Variants in FBLN1 observed in about 807,000 individuals in gnomAD.
The protein encoded by FBLN1 is fibulin 1.
Under a neutral mutation model 89.7 loss-of-function variants are expected in FBLN1, and 34 were observed. The observed-to-expected ratio is 0.38, with a 90% CI of 0.29 to 0.50. The LOEUF (loss-of-function observed/expected upper bound fraction) is 0.50. Ranked by LOEUF, FBLN1 falls within the 20% of genes least tolerant of loss-of-function variation. The probability of loss-of-function intolerance (pLI) is 0.92; values close to 1 mark genes in which losing one functional copy is unlikely to be tolerated. For synonymous variants in FBLN1, 393 were observed against 391.3 expected (o/e 1.00, Z -0.05); for missense variants, 777 against 988.1 (o/e 0.79, Z 2.86).
intron 16 of FBLN1, among the ~76,000 whole-genome samples, chr22:45,599,551 G>C: frequency 6.6e-6 from 1 of 152,102 alleles, no homozygotes; most frequent in East Asian, 1.9e-4. Context: ...TGGGCACAGG[G>C]GGTTGGAAGG....
Position 45,572,766 on chromosome 22 carries a change from C to T in FBLN1, c.1698-1745C>T, listed in dbSNP as rs116874743. Reference sequence around the variant, plus strand: ...CCACCTACCATCTTGCCAAAGGGACCGGGCCTGCATGGGATCAGGCCTCTG... The same window carrying T: ...CCACCTACCATCTTGCCAAAGGGACTGGGCCTGCATGGGATCAGGCCTCTG... On this transcript the variant is annotated intron_variant, in intron 14 of 16. Coordinates refer to ENST00000327858, the MANE Select transcript of FBLN1 (RefSeq NM_006486.3). The surrounding 1 kb of genome is among the most constrained non-coding windows in gnomAD (Gnocchi z 5.8). 9.8e-5 allele frequency among the ~76,000 whole-genome samples: 15 copies of T among 152,310 alleles called. No individual in the cohort carries two copies. In the East Asian group the frequency reaches 1.7e-3, roughly 18 times the overall value.
At chr22:45,524,236 C>T (rs1230380653) in intron 2 of FBLN1, among the ~76,000 whole-genome samples, 1 of 152,196 alleles carries the variant, frequency 6.6e-6, no homozygotes, top group Non-Finnish European at 1.5e-5. Flanking sequence ...GGGGAGGCCC[C>T]CACCCTCTCT....
In FBLN1 at chr22:45,600,635, G is replaced by GC. The variant is rs1458412864; in HGVS notation, c.*192dup. On this transcript the variant is annotated 3_prime_UTR_variant, in exon 17 of 17. Coordinates refer to ENST00000327858, the MANE Select transcript of FBLN1 (RefSeq NM_006486.3). ...TGTATTTTCGGTGTTTAAAAAATGA[G>GC]CCCAGTTGCTCAACTGTTTGGTTGA... 7 of 700,420 alleles carry GC rather than the reference G, an allele frequency of 1.0e-5. No homozygotes were observed. The highest frequency in any genetic ancestry group is 8.8e-5 in the African/African-American group (5 of 56,602). 43.4% of individuals were successfully genotyped at this position (700,420 alleles called of 1,614,324 possible). A position where few individuals can be genotyped will look rare whatever the true frequency, so the allele number is the denominator to read the frequency against.
intron 11 of FBLN1, 133 bp from the exon 12 acceptor site, chr22:45,546,952 G>A (rs1569249744): frequency 1.2e-5 from 17 of 1,419,694 alleles, no homozygotes; most frequent in Middle Eastern, 1.9e-4. Flanking sequence ...CACACCCCCC[G>A]GGACCTCTGT....
intron 4 of FBLN1, among the ~76,000 whole-genome samples, chr22:45,528,597 A>G (rs58312704): frequency 0.19 from 29,102 of 152,000 alleles, 3,194 homozygotes; most frequent in Admixed American, 0.32. Context: ...CACCTGCCTC[A>G]GCTTCCCAAA....
intron 7 of FBLN1, among the ~76,000 whole-genome samples, chr22:45,534,731 A>G (rs2088462245): frequency 6.6e-6 from 1 of 152,222 alleles, no homozygotes; most frequent in African/African-American, 2.4e-5. Flanking sequence ...ACATTTGACC[A>G]TTTGACAGCC....
chr22:45,538,571 A>ATATTT (rs1276449643), intron 8 of FBLN1, among the ~76,000 whole-genome samples: 1 of 152,184 alleles, frequency 6.6e-6, no homozygotes, highest in African/African-American at 2.4e-5. Flanking sequence ...TTTAAAAATG[A>ATATTT]CTGCATCAGC....
rs143914756 is a variant in FBLN1, at chr22:45,549,334, C to A, written c.1573+590C>A. 7.9e-5 allele frequency among the ~76,000 whole-genome samples: 12 copies of A among 152,314 alleles called. No homozygotes were observed. The East Asian group carries it at 2.1e-3, about 27-fold the overall frequency. ...CGCGTGATCCTCAGTGTACACACTG[C>A]GCCCAGAAGCTGAGTCATGGAGGTG... On this transcript the variant is annotated intron_variant, in intron 13 of 16. Transcript: ENST00000327858. The surrounding 1 kb of genome is among the most constrained non-coding windows in gnomAD (Gnocchi z 5.7).
intron 1 of FBLN1, among the ~76,000 whole-genome samples, chr22:45,515,924 A>G (rs1438953897): frequency 2.0e-5 from 3 of 152,056 alleles, no homozygotes; most frequent in Non-Finnish European, 2.9e-5. Flanking sequence ...CACTGTTTCT[A>G]CTCAACTCTG....
At chr22:45,516,388 G>T (rs577178127) in intron 1 of FBLN1, among the ~76,000 whole-genome samples, 2 of 152,350 alleles carry the variant, frequency 1.3e-5, no homozygotes, top group African/African-American at 4.8e-5. Context: ...GTTCATCCAG[G>T]AGTGCACCAC....
At chr22:45,544,190 G>A (rs539239437) in intron 11 of FBLN1, among the ~76,000 whole-genome samples, 10 of 152,136 alleles carry the variant, frequency 6.6e-5, no homozygotes, top group East Asian at 5.8e-4. Flanking sequence ...GGGTTCAAGC[G>A]ATTCCCCTGC....
intron 1 of FBLN1, among the ~76,000 whole-genome samples, chr22:45,510,785 A>C (rs970524239): frequency 1.0e-5 from 1 of 97,814 alleles, no homozygotes; most frequent in Non-Finnish European, 2.3e-5. Flanking sequence ...GCCTTGGAAC[A>C]TGGGGCATGC....
intron 2 of FBLN1, among the ~76,000 whole-genome samples, chr22:45,519,450 G>A (rs939467839): frequency 1.1e-4 from 17 of 151,492 alleles, no homozygotes; most frequent in East Asian, 2.0e-4. Flanking sequence ...GTGAAACCCC[G>A]TCTCTACTAA....
At chr22:45,520,309 T>C (rs2088232613) in intron 2 of FBLN1, among the ~76,000 whole-genome samples, 1 of 152,254 alleles carries the variant, frequency 6.6e-6, no homozygotes, top group South Asian at 2.1e-4. Flanking sequence ...TCCTCATAGT[T>C]CCGGAGGCCA....
In FBLN1 at chr22:45,580,079, G is replaced by A. The variant is rs2089030232; in HGVS notation, c.1972+2971G>A. Among the ~76,000 whole-genome samples the A allele has an allele frequency of 6.6e-6, 1 of 152,166 alleles. No homozygotes were observed. The highest frequency in any genetic ancestry group is 2.1e-4 in the South Asian group (1 of 4,832). On this transcript the variant is annotated intron_variant, in intron 16 of 16. Transcript: ENST00000327858. The surrounding 1 kb of genome is among the most constrained non-coding windows in gnomAD (Gnocchi z 8.6). The stretch of plus-strand genomic sequence containing the variant: ...GACGGGTCATGATTGTCTCCCTTGG[G>A]CAAAGGAGGGAGCTGAGTTAAATGA...
Position 45,530,952 on chromosome 22 carries a change from C to T in FBLN1, c.485-313C>T, listed in dbSNP as rs1267974836. On this transcript the variant is annotated intron_variant, in intron 4 of 16. Transcript: ENST00000327858. This position sits in a 1 kb window ranked among gnomAD's most constrained non-coding sequence, Gnocchi z 5.4. ...CTAATTTTTGTATTTTTAGTAGAGA[C>T]AGCATTTCACCGTGTTGGCCAGGAT... Among the ~76,000 whole-genome samples, 5 of 152,060 alleles carry T rather than the reference C, an allele frequency of 3.3e-5. No homozygotes were observed. Among genetic ancestry groups the T allele is most frequent in the Admixed American group, 3.3e-4 (5 of 15,270 alleles).
Position 45,550,514 on chromosome 22 carries a change from C to T in FBLN1, c.1596C>T (p.Gly532=). ...CAGACATTGATGAGTGTGTGACTGG[C>T]ATCCACAACTGCTCCATCAACGAGA... ...NCQDIDECVT[G]IHNCSINETC... is the part of the protein sequence containing the mutation. The change falls in exon 14 of 17, where the codon GGC becomes GGT. Residue 532 remains glycine, a synonymous_variant. Transcript: ENST00000327858. This position sits in a 1 kb window ranked among gnomAD's most constrained non-coding sequence, Gnocchi z 8.4. The T allele has an allele frequency of 6.2e-7, 1 of 1,614,110 alleles. No individual in the cohort carries two copies.
At chr22:45,547,228 G>C in intron 12 of FBLN1, 24 bp downstream of exon 12, 1 of 1,612,392 alleles carries the variant, frequency 6.2e-7, no homozygotes, top group South Asian at 1.1e-5. Context: ...TGCCTGCTGA[G>C]GGGGAAAGCA....
chr22:45,555,178 C>T (rs549591742), intron 14 of FBLN1, among the ~76,000 whole-genome samples: 1 of 151,738 alleles, frequency 6.6e-6, no homozygotes, highest in East Asian at 1.9e-4. Flanking sequence ...TGGGACCCGT[C>T]TCTGTCTCCA....
Sources: allele counts gnomAD v4.1 joint callset (sites outside exome capture counted in the v4.1 genomes callset), GRCh38; gene constraint gnomAD v4.1.1; non-coding constraint Gnocchi (gnomAD v3.1); transcripts MANE v1.5; gene names NCBI Gene and HGNC (gene_info 2026-07-23, HGNC 2026-07-21).